Variants in NPAS3 observed in about 807,000 individuals in gnomAD.
NPAS3 encodes neuronal PAS domain protein 3.
A neutral mutation model predicts 73.1 loss-of-function variants in NPAS3; 14 were observed. That is an observed-to-expected ratio of 0.19 (90% CI 0.13 to 0.30). NPAS3 has a LOEUF of 0.30. Ranked by LOEUF, NPAS3 falls within the 10% of genes least tolerant of loss-of-function variation. NPAS3 has a pLI of 1.00. For missense variants in NPAS3, 1,096 were observed against 1,250.0 expected (o/e 0.88, Z 1.86); for synonymous variants, 620 against 541.5 (o/e 1.14, Z -2.01).
intron 4 of NPAS3, among the ~76,000 whole-genome samples, chr14:33,507,967 C>T (rs538494956): frequency 7.2e-5 from 11 of 151,894 alleles, no homozygotes; most frequent in Non-Finnish European, 1.3e-4. Flanking sequence ...TTCCTACTCC[C>T]CCTACCCTCA....
intron 3 of NPAS3, among the ~76,000 whole-genome samples, chr14:33,217,896 C>T (rs1313284470): frequency 1.3e-5 from 2 of 152,196 alleles, no homozygotes; most frequent in East Asian, 3.8e-4. Flanking sequence ...AGTGCTCTAT[C>T]ACTTCTTGTC....
intron 5 of NPAS3, among the ~76,000 whole-genome samples, chr14:33,648,892 A>G (rs1486678026): frequency 6.6e-6 from 1 of 152,214 alleles, no homozygotes; most frequent in Non-Finnish European, 1.5e-5. Flanking sequence ...TGAGGAGCAC[A>G]GTGTGGCCTT....
intron 3 of NPAS3, among the ~76,000 whole-genome samples, chr14:33,280,925 A>G (rs1435657669): frequency 1.3e-5 from 2 of 152,184 alleles, no homozygotes; most frequent in Non-Finnish European, 2.9e-5. Flanking sequence ...GGAATTTACA[A>G]GAAGTGAAAG....
chr14:33,729,650 G>T (rs1031468250), intron 6 of NPAS3, among the ~76,000 whole-genome samples: 2 of 152,130 alleles, frequency 1.3e-5, no homozygotes, highest in African/African-American at 4.8e-5. Context: ...CCATAAGACT[G>T]ACTGCCTAAG....
intron 2 of NPAS3, among the ~76,000 whole-genome samples, chr14:33,128,440 T>C (rs1417056850): frequency 1.3e-5 from 2 of 152,138 alleles, no homozygotes; most frequent in African/African-American, 4.8e-5. Flanking sequence ...TGAAATAGGG[T>C]GTTATGAATG....
intron 5 of NPAS3, among the ~76,000 whole-genome samples, chr14:33,581,635 A>T (rs2056667984): frequency 6.6e-6 from 1 of 152,276 alleles, no homozygotes; most frequent in Admixed American, 6.5e-5. Context: ...CAGTGTCACG[A>T]TCAGAGCTCA....
At chr14:33,505,864 C>T (rs185386987) in intron 4 of NPAS3, among the ~76,000 whole-genome samples, 6 of 152,074 alleles carry the variant, frequency 3.9e-5, no homozygotes, top group African/African-American at 1.4e-4. Flanking sequence ...TTCCCACCAC[C>T]CTCTCCCTTG....
intron 2 of NPAS3, among the ~76,000 whole-genome samples, chr14:33,061,698 G>A (rs1425567715): frequency 6.6e-6 from 1 of 152,072 alleles, no homozygotes; most frequent in Non-Finnish European, 1.5e-5. Flanking sequence ...TCACCCACGG[G>A]TCAGGTGCTT....
intron 5 of NPAS3, among the ~76,000 whole-genome samples, chr14:33,601,133 A>T (rs1267197515): frequency 6.6e-6 from 1 of 152,148 alleles, no homozygotes; most frequent in Non-Finnish European, 1.5e-5. Flanking sequence ...AGAAACAGAC[A>T]GACTATCCAT....
At chr14:33,520,467 C>T (rs1034260947) in intron 4 of NPAS3, among the ~76,000 whole-genome samples, 3 of 151,564 alleles carry the variant, frequency 2.0e-5, no homozygotes, top group African/African-American at 7.3e-5. Context: ...TGTGATTTAT[C>T]TGGGGGAAGA....
chr14:33,704,608 A>T (rs961757128), intron 6 of NPAS3, among the ~76,000 whole-genome samples: 1 of 152,220 alleles, frequency 6.6e-6, no homozygotes, highest in Non-Finnish European at 1.5e-5. Context: ...GGCAGGGATC[A>T]GCTTGATAAA....
At chr14:33,572,459 TCCTAACGATTGTTAGGTAC>T (rs2056254384) in intron 5 of NPAS3, among the ~76,000 whole-genome samples, 1 of 152,134 alleles carries the variant, frequency 6.6e-6, no homozygotes, top group Non-Finnish European at 1.5e-5. Flanking sequence ...AGGTTTGTAA[TCCTAACGATTGTTAGGTAC>T]AATGACAGTC....
chr14:33,414,758 G>A (rs887566098), intron 4 of NPAS3, among the ~76,000 whole-genome samples: 4 of 152,124 alleles, frequency 2.6e-5, no homozygotes, highest in Non-Finnish European at 4.4e-5. Flanking sequence ...TGAAGGCACT[G>A]GGGTTAGATC....
At chr14:33,580,916 T>C (rs2056640938) in intron 5 of NPAS3, among the ~76,000 whole-genome samples, 1 of 152,200 alleles carries the variant, frequency 6.6e-6, no homozygotes, top group African/African-American at 2.4e-5. Context: ...GCCAAACATG[T>C]TAATCCATTT....
intron 4 of NPAS3, among the ~76,000 whole-genome samples, chr14:33,410,871 C>T (rs1443186222): frequency 6.6e-6 from 1 of 152,164 alleles, no homozygotes; most frequent in East Asian, 1.9e-4. Context: ...GTCTCAAACT[C>T]CTGACCTCAG....
At chr14:33,160,010 G>T (rs889548684) in intron 2 of NPAS3, among the ~76,000 whole-genome samples, 1 of 152,214 alleles carries the variant, frequency 6.6e-6, no homozygotes, top group South Asian at 2.1e-4. Flanking sequence ...TTTTAAAAAT[G>T]AAATTATTTC....
At chr14:33,207,271 A>ACGCG (rs985084173) in intron 2 of NPAS3, among the ~76,000 whole-genome samples, 2 of 132,448 alleles carry the variant, frequency 1.5e-5, no homozygotes, top group African/African-American at 6.6e-5. Flanking sequence ...ACACACGCAC[A>ACGCG]CACACACACA....
intron 4 of NPAS3, among the ~76,000 whole-genome samples, chr14:33,373,481 A>T (rs549304478): frequency 1.3e-5 from 2 of 152,166 alleles, no homozygotes; most frequent in East Asian, 3.9e-4. Context: ...TAATTGAAAG[A>T]TAGTCTTTAT....
intron 6 of NPAS3, among the ~76,000 whole-genome samples, chr14:33,688,320 G>A (rs2060145010): frequency 6.6e-6 from 1 of 152,180 alleles, no homozygotes; most frequent in South Asian, 2.1e-4. Context: ...GTAAAAATTT[G>A]AAATTCATGT....
Sources: allele counts gnomAD v4.1 joint callset (sites outside exome capture counted in the v4.1 genomes callset), GRCh38; gene constraint gnomAD v4.1.1; transcripts MANE v1.5; gene names NCBI Gene and HGNC (gene_info 2026-07-23, HGNC 2026-07-21).